GRIK2: variants seen among roughly 807,000 people sequenced by gnomAD.
GRIK2 encodes glutamate ionotropic receptor kainate type subunit 2.
In GRIK2, 32 loss-of-function variants were observed where a neutral mutation model predicts 100.3. The ratio of observed to expected loss-of-function variants is 0.32; its 90% confidence interval spans 0.24 to 0.43. The LOEUF (loss-of-function observed/expected upper bound fraction) is 0.43, where lower values mean the gene tolerates loss of function less well. Among genes scored for constraint, GRIK2 ranks in the 20% least tolerant of loss-of-function variants. The pLI is 1.00. For missense variants in GRIK2, 843 were observed against 1,114.9 expected (o/e 0.76, Z 3.47); for synonymous variants, 417 against 389.4 (o/e 1.07, Z -0.83).
intron 7 of GRIK2, among the ~76,000 whole-genome samples, chr6:101,796,041 AC>A (rs1165102992): frequency 3.3e-5 from 5 of 152,174 alleles, no homozygotes; most frequent in African/African-American, 9.7e-5. Context: ...TAACTACAAA[AC>A]CACCTTCACT....
At chr6:101,894,822 G>A (rs1373635414) in intron 12 of GRIK2, among the ~76,000 whole-genome samples, 3 of 151,386 alleles carry the variant, frequency 2.0e-5, no homozygotes, top group Non-Finnish European at 4.4e-5. Context: ...AGAAAATTGA[G>A]CTGTTCTGAA....
chr6:101,707,534 GTGTATATA>G (rs1227721634), intron 7 of GRIK2, among the ~76,000 whole-genome samples: 1 of 93,012 alleles, frequency 1.1e-5, no homozygotes, highest in Non-Finnish European at 1.9e-5. Flanking sequence ...ATATATATGT[GTGTATATA>G]TGTATATATG....
intron 6 of GRIK2, among the ~76,000 whole-genome samples, chr6:101,684,036 C>T (rs1052333635): frequency 4.6e-5 from 7 of 152,182 alleles, no homozygotes; most frequent in Non-Finnish European, 8.8e-5. Flanking sequence ...ATTGCAATAG[C>T]TTCCTGTGAT....
intron 14 of GRIK2, among the ~76,000 whole-genome samples, chr6:102,029,928 T>C (rs1048663194): frequency 6.6e-6 from 1 of 151,300 alleles, no homozygotes; most frequent in African/African-American, 2.4e-5. Context: ...TGTATCTACA[T>C]ACATATATAT....
rs118175062 is a variant in GRIK2, at chr6:101,686,352, C to T, written c.950C>T (p.Thr317Met). The T allele has an allele frequency of 2.2e-5, 35 of 1,608,968 alleles. No individual in the cohort carries two copies. The highest frequency in any genetic ancestry group is 4.5e-5 in the East Asian group (2 of 44,808). ...TCAGGTTTGCTGGATGGATTTATGA[C>T]GGTATGAATACCCACTTAAAGATCA... The part of the protein sequence containing the change: ...PDSGLLDGFM[T>M]TDAALMYDAV... Residue 317 changes from threonine to methionine, a missense_variant and splice_region_variant, in exon 7 of 17, where the codon ACG (threonine) becomes ATG (methionine). By Grantham distance (81) the Thr-to-Met change is moderately conservative (BLOSUM62 -1). This residue lies in a region of GRIK2 where 519 missense variants were observed against 643.8 expected (regional missense o/e 0.81). Coordinates refer to ENST00000369134, the MANE Select transcript of GRIK2 (RefSeq NM_021956.5).
At chr6:101,852,567 G>A (rs967765298) in intron 10 of GRIK2, among the ~76,000 whole-genome samples, 2 of 152,110 alleles carry the variant, frequency 1.3e-5, no homozygotes, top group East Asian at 1.9e-4. Flanking sequence ...GATGTTTGGT[G>A]CTTTTGAAGC....
chr6:101,643,924 A>AATAATAAATAAAT lies in GRIK2; in HGVS notation c.541+17287_541+17288insATAATAAATAAAT, dbSNP rs1781400797. On this transcript the variant is annotated intron_variant, in intron 4 of 16. Transcript: ENST00000369134. ...TATTAGTCTATTTAGTAGCCAATCAACTAACATAGATTCTTTCTATAGCAG... is the reference window on the plus strand; with the variant it reads ...TATTAGTCTATTTAGTAGCCAATCAAATAATAAATAAATCTAACATAGATTCTTTCTATAGCAG... Among the ~76,000 whole-genome samples, 5 of 151,774 alleles carry AATAATAAATAAAT rather than the reference A, an allele frequency of 3.3e-5. No homozygotes were observed. The Admixed American group carries it at 3.3e-4, about 10-fold the overall frequency.
chr6:101,936,116 T>A (rs138469136), intron 14 of GRIK2, among the ~76,000 whole-genome samples: 1 of 152,182 alleles, frequency 6.6e-6, no homozygotes, highest in Non-Finnish European at 1.5e-5. Flanking sequence ...AAAAGCTTGA[T>A]GTGGTTGATC....
intron 10 of GRIK2, among the ~76,000 whole-genome samples, chr6:101,849,624 G>A (rs1265006487): frequency 2.0e-5 from 3 of 151,784 alleles, no homozygotes; most frequent in Non-Finnish European, 2.9e-5. Context: ...TCAGTAAGAG[G>A]GCAGTAATAA....
At chr6:101,943,410 A>T (rs1791076882) in intron 14 of GRIK2, among the ~76,000 whole-genome samples, 1 of 152,154 alleles carries the variant, frequency 6.6e-6, no homozygotes, top group African/African-American at 2.4e-5. Flanking sequence ...GAAATGTGAG[A>T]GAAGGGCCAC....
At chr6:101,994,440 T>C (rs1057014659) in intron 14 of GRIK2, among the ~76,000 whole-genome samples, 1 of 151,868 alleles carries the variant, frequency 6.6e-6, no homozygotes, top group African/African-American at 2.4e-5. Context: ...TTTCTCTTGC[T>C]CCTGAATTAT....
At chr6:101,931,924 C>T (rs1790313406) in intron 14 of GRIK2, among the ~76,000 whole-genome samples, 1 of 152,026 alleles carries the variant, frequency 6.6e-6, no homozygotes, top group East Asian at 1.9e-4. Flanking sequence ...TGTACTAGAA[C>T]TGAAGTTTCA....
chr6:101,711,889 G>A (rs1773721927), intron 7 of GRIK2, among the ~76,000 whole-genome samples: 1 of 151,764 alleles, frequency 6.6e-6, no homozygotes, highest in African/African-American at 2.4e-5. Context: ...ATAGTAGACT[G>A]TGGCATTATA....
At chr6:101,580,002 T>G (rs1389113595) in intron 2 of GRIK2, among the ~76,000 whole-genome samples, 1 of 152,178 alleles carries the variant, frequency 6.6e-6, no homozygotes, top group Non-Finnish European at 1.5e-5. Flanking sequence ...CCTTAATTTA[T>G]CACTACATTT....
chr6:102,051,541 T>A (rs1444826126), intron 15 of GRIK2, among the ~76,000 whole-genome samples: 1 of 152,140 alleles, frequency 6.6e-6, no homozygotes, highest in Non-Finnish European at 1.5e-5. Flanking sequence ...TTATCCTGAA[T>A]TTTTTAAAAT....
chr6:101,917,504 C>A (rs1043188323), intron 12 of GRIK2, among the ~76,000 whole-genome samples: 2 of 151,286 alleles, frequency 1.3e-5, no homozygotes, highest in African/African-American at 2.4e-5. Flanking sequence ...AAGTTTTTAA[C>A]GTATATGGGT....
At chr6:101,756,226 A>C (rs1777126769) in intron 7 of GRIK2, among the ~76,000 whole-genome samples, 1 of 152,182 alleles carries the variant, frequency 6.6e-6, no homozygotes, top group Non-Finnish European at 1.5e-5. Flanking sequence ...GATATTTAGA[A>C]AACAAATTAG....
At chr6:101,652,701 T>A (rs1477013345) in intron 4 of GRIK2, among the ~76,000 whole-genome samples, 2 of 152,158 alleles carry the variant, frequency 1.3e-5, no homozygotes, top group Non-Finnish European at 2.9e-5. Context: ...GACTTAATAA[T>A]GCAGTATTGA....
intron 2 of GRIK2, among the ~76,000 whole-genome samples, chr6:101,605,536 T>G (rs981044144): frequency 3.3e-5 from 5 of 152,030 alleles, no homozygotes; most frequent in South Asian, 2.1e-4. Context: ...AAAAAAAGCT[T>G]AAATGATTAT....
Sources: allele counts gnomAD v4.1 joint callset (sites outside exome capture counted in the v4.1 genomes callset), GRCh38; gene constraint gnomAD v4.1.1; regional missense constraint gnomAD v4.1.1; transcripts MANE v1.5; gene names NCBI Gene and HGNC (gene_info 2026-07-23, HGNC 2026-07-21).